UNC13B: variants seen among roughly 807,000 people sequenced by gnomAD.
UNC13B encodes protein unc-13 homolog B.
UNC13B carries 144 observed loss-of-function variants against 211.0 expected under a neutral mutation model. The ratio of observed to expected loss-of-function variants is 0.68; its 90% CI spans 0.60 to 0.78. The LOEUF (loss-of-function observed/expected upper bound fraction) is 0.78. Among genes scored for constraint, UNC13B ranks in the 30% least tolerant of loss-of-function variants. The pLI is 0.00. For synonymous variants in UNC13B, 709 were observed against 725.8 expected (o/e 0.98, Z 0.37); for missense variants, 1,777 against 2,002.0 (o/e 0.89, Z 2.14).
At chr9:35,188,285 A>G (rs570701877) in intron 1 of UNC13B, among the ~76,000 whole-genome samples, 1 of 152,374 alleles carries the variant, frequency 6.6e-6, no homozygotes, top group South Asian at 2.1e-4. Context: ...TCTTTTGAGA[A>G]AGAACAAAGC....
At chr9:35,397,518 T>A in intron 29 of UNC13B, 117 bp from the exon 30 acceptor site, 1 of 1,320,050 alleles carries the variant, frequency 7.6e-7, no homozygotes, top group Admixed American at 2.0e-5. Context: ...TACTGTGGGA[T>A]TCCCCCTTTA....
chr9:35,174,983 A>G (rs1285170125), intron 1 of UNC13B, among the ~76,000 whole-genome samples: 1 of 152,016 alleles, frequency 6.6e-6, no homozygotes, highest in Non-Finnish European at 1.5e-5. Flanking sequence ...ATTTGTGTAG[A>G]GACAAGGTTT....
At chr9:35,252,335 A>G (rs200141334) in intron 6 of UNC13B, among the ~76,000 whole-genome samples, 1 of 151,342 alleles carries the variant, frequency 6.6e-6, no homozygotes, top group East Asian at 1.9e-4. Flanking sequence ...TCTTTCTTTT[A>G]TTTATTTATT....
chr9:35,202,355 C>T (rs751757942), intron 1 of UNC13B, among the ~76,000 whole-genome samples: 11 of 152,050 alleles, frequency 7.2e-5, no homozygotes, highest in Non-Finnish European at 1.3e-4. Flanking sequence ...CTATTAGGTC[C>T]GCTTGGTGCA....
Position 35,295,834 on chromosome 9 carries a change from C to T in UNC13B, c.665C>T (p.Ser222Leu), listed in dbSNP as rs770226679. 14 of 1,614,010 alleles carry T rather than the reference C, an allele frequency of 8.7e-6. No individual in the cohort carries two copies. Among genetic ancestry groups the T allele is most frequent in the Middle Eastern group, 3.3e-4 (2 of 6,084 alleles). The change falls in exon 8 of 40, where the codon TCG becomes TTG. Residue 222 changes from serine to leucine, a missense_variant. Transcript: ENST00000635942. ...CACCAGTTCCCTGTGCCGGTGCGATCGCCACAGCAGCTGCTACTTCAAGGC... is the reference window on the plus strand; with the variant it reads ...CACCAGTTCCCTGTGCCGGTGCGATTGCCACAGCAGCTGCTACTTCAAGGC... ...SVHQFPVPVRSPQQLLLQGSS... is the reference protein window; with the variant it reads ...SVHQFPVPVRLPQQLLLQGSS...
At chr9:35,249,571 CA>C (rs1216108532) in intron 6 of UNC13B, among the ~76,000 whole-genome samples, 1 of 152,142 alleles carries the variant, frequency 6.6e-6, no homozygotes, top group Admixed American at 6.5e-5. Flanking sequence ...AATCTCTCAG[CA>C]TTTGCTTGTC....
In UNC13B at chr9:35,256,798, A is replaced by G. The variant is rs573973113; in HGVS notation, c.469-2195A>G. ...TATGATAGATTTGGCCTAGTAATCTATTAATTAGGATTTTTGTCTCTATAT... is the reference window on the plus strand; with the variant it reads ...TATGATAGATTTGGCCTAGTAATCTGTTAATTAGGATTTTTGTCTCTATAT... On this transcript the variant is annotated intron_variant, in intron 6 of 39. Coordinates refer to ENST00000635942, the MANE Select transcript of UNC13B (RefSeq NM_001371189.2). 3.3e-5 allele frequency among the ~76,000 whole-genome samples: 5 copies of G among 152,314 alleles called. No homozygotes were observed. The East Asian group carries it at 9.6e-4, about 29-fold the overall frequency.
At chr9:35,210,144 C>T (rs1823889397) in intron 1 of UNC13B, among the ~76,000 whole-genome samples, 1 of 152,070 alleles carries the variant, frequency 6.6e-6, no homozygotes, top group South Asian at 2.1e-4. Flanking sequence ...ACAAATAATT[C>T]CTAATAAATG....
chr9:35,392,080 A>G (rs1488922803), intron 26 of UNC13B, among the ~76,000 whole-genome samples: 1 of 152,174 alleles, frequency 6.6e-6, no homozygotes, highest in African/African-American at 2.4e-5. Context: ...CAAACTACTT[A>G]ATTTTTATGA....
intron 1 of UNC13B, among the ~76,000 whole-genome samples, chr9:35,218,965 C>A (rs1003947019): frequency 6.6e-6 from 1 of 151,914 alleles, no homozygotes; most frequent in Non-Finnish European, 1.5e-5. Flanking sequence ...GTCAGGCTGG[C>A]CTTGAACTCC....
intron 7 of UNC13B, among the ~76,000 whole-genome samples, chr9:35,285,378 G>C (rs572780158): frequency 1.3e-5 from 2 of 152,282 alleles, no homozygotes; most frequent in East Asian, 3.9e-4. Context: ...ATCTCTGTGA[G>C]TAGAGTTTAA....
intron 1 of UNC13B, among the ~76,000 whole-genome samples, chr9:35,213,435 C>T (rs1330988255): frequency 6.6e-6 from 1 of 152,198 alleles, no homozygotes; most frequent in African/African-American, 2.4e-5. Context: ...TTGGACTTTA[C>T]AGCCTCCAGA....
chr9:35,191,845 C>A (rs1230577331), intron 1 of UNC13B, among the ~76,000 whole-genome samples: 1 of 152,306 alleles, frequency 6.6e-6, no homozygotes, highest in Non-Finnish European at 1.5e-5. Flanking sequence ...CTGGCTTGAA[C>A]AGCAGGCTTA....
At chr9:35,321,544 G>A (rs1033580391) in intron 11 of UNC13B, among the ~76,000 whole-genome samples, 5 of 152,146 alleles carry the variant, frequency 3.3e-5, no homozygotes, top group African/African-American at 1.2e-4. Flanking sequence ...GAATAACGCT[G>A]TGATGAGCAT....
chr9:35,329,965 CAGAGCCCA>C (rs1240044745), intron 11 of UNC13B, among the ~76,000 whole-genome samples: 1 of 152,174 alleles, frequency 6.6e-6, no homozygotes, highest in Non-Finnish European at 1.5e-5. Flanking sequence ...CTGGTAGACA[CAGAGCCCA>C]AGAGCCCATT....
At position 35,402,129 on chromosome 9, in the gene UNC13B, C is replaced by T; in HGVS notation, c.12485-1038C>T. 1.3e-5 allele frequency: 11 copies of T among 878,154 alleles called. No homozygotes were observed. In the South Asian group the frequency reaches 1.7e-4, roughly 14 times the overall value. 54.4% of individuals were successfully genotyped at this position (878,154 alleles called of 1,614,324 possible). On this transcript the variant is annotated intron_variant, in intron 37 of 39. Coordinates refer to ENST00000635942, the MANE Select transcript of UNC13B (RefSeq NM_001371189.2). Reference sequence around the variant, plus strand: ...CTGTCAAGGTTTAGGAGCTCTATCTCAAGTCTTAGAGATGGGTAATGCCTT... The same window carrying T: ...CTGTCAAGGTTTAGGAGCTCTATCTTAAGTCTTAGAGATGGGTAATGCCTT...
At chr9:35,353,118 T>C (rs541891810) in intron 11 of UNC13B, 44 of 1,231,996 alleles carry the variant, frequency 3.6e-5, no homozygotes, top group Admixed American at 4.2e-5. Flanking sequence ...GAAATTATCA[T>C]AGGGCCTGAG....
At chr9:35,242,882 A>G (rs754927513) in intron 5 of UNC13B, among the ~76,000 whole-genome samples, 56 of 152,330 alleles carry the variant, frequency 3.7e-4, no homozygotes, top group African/African-American at 1.2e-3. Context: ...GAGCATCTCA[A>G]TATCTCAGCA....
intron 16 of UNC13B, 120 bp from the exon 17 acceptor site, chr9:35,378,175 G>A: frequency 7.4e-7 from 1 of 1,350,404 alleles, no homozygotes; most frequent in South Asian, 1.5e-5. Context: ...AAATATGGAG[G>A]AATGGGATTA....
Sources: gnomAD v4.1 joint callset for allele counts (sites outside exome capture counted in the v4.1 genomes callset) on GRCh38, gnomAD v4.1.1 for gene constraint, MANE v1.5 for transcripts, NCBI Gene and HGNC (gene_info 2026-07-23, HGNC 2026-07-21) for gene names.